The following KIF5A variants were observed in gnomAD, a reference collection of about 807,000 sequenced individuals.
KIF5A encodes kinesin family member 5A.
Under a neutral mutation model 141.3 loss-of-function variants are expected in KIF5A, and 35 were observed. The observed-to-expected ratio is 0.25, with a 90% confidence interval of 0.19 to 0.33. The LOEUF (loss-of-function observed/expected upper bound fraction) is 0.33. KIF5A is among the 10% of genes least tolerant of loss of function. The pLI is 1.00. For synonymous variants in KIF5A, 448 were observed against 500.2 expected (o/e 0.90, Z 1.39); for missense variants, 861 against 1,314.3 (o/e 0.66, Z 5.33).
At chr12:57,581,294 A>G in intron 24 of KIF5A, 121 bp from the exon 25 acceptor site, 1 of 1,527,234 alleles carries the variant, frequency 6.5e-7, no homozygotes, top group South Asian at 1.1e-5. Context: ...ACTTCCCCCC[A>G]AAAAGTAAAA....
At chr12:57,581,661 T>A (rs2140171945) in intron 25 of KIF5A, 93 bp downstream of exon 25, 1 of 1,467,824 alleles carries the variant, frequency 6.8e-7, no homozygotes, top group Non-Finnish European at 9.5e-7. Context: ...TGTGGCTTAA[T>A]TATTTTCCTA....
At chr12:57,579,349 A>C (rs1882524419) in intron 23 of KIF5A, among the ~76,000 whole-genome samples, 1 of 152,194 alleles carries the variant, frequency 6.6e-6, no homozygotes, top group African/African-American at 2.4e-5. Flanking sequence ...GGTCCTTTTA[A>C]CTAATTCATA....
At chr12:57,553,818 A>G (rs1565692082) in intron 1 of KIF5A, among the ~76,000 whole-genome samples, 1 of 152,118 alleles carries the variant, frequency 6.6e-6, no homozygotes, top group African/African-American at 2.4e-5. Context: ...GGACTGTGGG[A>G]CTCTGAAGAG....
intron 20 of KIF5A, among the ~76,000 whole-genome samples, 184 bp downstream of exon 20, chr12:57,577,046 A>C (rs1023846100): frequency 6.6e-6 from 1 of 152,218 alleles, no homozygotes; most frequent in Non-Finnish European, 1.5e-5. Flanking sequence ...AGTATTCACC[A>C]GTATGGAAGG....
intron 1 of KIF5A, among the ~76,000 whole-genome samples, chr12:57,561,734 A>G (rs1486870466): frequency 5.9e-5 from 9 of 152,232 alleles, no homozygotes. Context: ...CATGCAGGAT[A>G]CAAAATGAAA....
At chr12:57,552,799 A>T (rs566788245) in intron 1 of KIF5A, among the ~76,000 whole-genome samples, 1 of 152,174 alleles carries the variant, frequency 6.6e-6, no homozygotes, top group Admixed American at 6.5e-5. Flanking sequence ...TGAAGGTGGG[A>T]GAGATAATCT....
intron 12 of KIF5A, among the ~76,000 whole-genome samples, chr12:57,570,438 G>A (rs774728702): frequency 5.3e-5 from 8 of 152,034 alleles, no homozygotes; most frequent in South Asian, 2.1e-4. Context: ...TTGCTGTGTC[G>A]CCCAGGCTAG....
rs1439619880 is a variant in KIF5A at position 57,550,622 on chromosome 12, C to T, written c.129+222C>T. On this transcript the variant is annotated intron_variant, in intron 1 of 28. Transcript: ENST00000455537. This position sits in a 1 kb window ranked among gnomAD's most constrained non-coding sequence, Gnocchi z 4.6. ...TGCAGAGTGGCAGGGGGCTGCTTTC[C>T]TACCTTCGGGAGATCCAACTCCCCT... Among the ~76,000 whole-genome samples the T allele has an allele frequency of 6.6e-6, 1 of 152,212 alleles. No individual in the cohort carries two copies. Among genetic ancestry groups the T allele is most frequent in the African/African-American group, 2.4e-5 (1 of 41,470 alleles).
chr12:57,572,110 G>A lies in KIF5A; in HGVS notation c.1412G>A (p.Ser471Asn). Residue 471 changes from serine (S) to asparagine (N), a missense_variant, in exon 14 of 29, where the codon AGC (serine) becomes AAC (asparagine). Ser to Asn is a conservative substitution (Grantham distance 46). This residue lies in a region of KIF5A where 167 missense variants were observed against 192.0 expected (regional missense o/e 0.87). Coordinates refer to ENST00000455537, the MANE Select transcript of KIF5A (RefSeq NM_004984.4). This position sits in a 1 kb window ranked among gnomAD's most constrained non-coding sequence, Gnocchi z 4.2. ...AACGAGAAGGTCCAGCGGGAGCTGA[G>A]CCACCTGCAATCAGAGAACGATGCC... ...GDNEKVQREL[S>N]HLQSENDAAK... The A allele has an allele frequency of 1.2e-6, 2 of 1,614,110 alleles. No homozygotes were observed. Among genetic ancestry groups the A allele is most frequent in the African/African-American group, 1.3e-5 (1 of 75,044 alleles).
At position 57,569,518 on chromosome 12, in the gene KIF5A, C is replaced by T. The variant is rs1010157708; in HGVS notation, c.969-17C>T. The T allele has an allele frequency of 4.3e-6, 7 of 1,613,956 alleles. No individual in the cohort carries two copies. The highest frequency in any genetic ancestry group is 5.9e-6 in the Non-Finnish European group (7 of 1,180,022). ...TCATGTTGCTCTCATTTCTTTGTTCCTCTTCTCCTCACCCAGGGCAAAGAC... is the reference window on the plus strand; with the variant it reads ...TCATGTTGCTCTCATTTCTTTGTTCTTCTTCTCCTCACCCAGGGCAAAGAC... On this transcript the variant is annotated splice_polypyrimidine_tract_variant and intron_variant, in intron 10 of 28. Coordinates refer to ENST00000455537, the MANE Select transcript of KIF5A (RefSeq NM_004984.4).
Position 57,585,900 on chromosome 12 carries a change from C to T in KIF5A, c.*1719C>T, listed in dbSNP as rs1882744985. On this transcript the variant is annotated 3_prime_UTR_variant, in exon 29 of 29. Transcript: ENST00000455537. The stretch of plus-strand genomic sequence containing the variant: ...AATATAAAAAATAAAGTAATGCAGA[C>T]CTGGGCAGTTTGCATTTTTTTTTTT... 1 of 148,916 alleles carries T rather than the reference C, an allele frequency of 6.7e-6. No homozygotes were observed. Among genetic ancestry groups the T allele is most frequent in the African/African-American group, 2.5e-5 (1 of 40,536 alleles). 9.2% of individuals were successfully genotyped at this position (148,916 alleles called of 1,614,324 possible).
intron 8 of KIF5A, 25 bp from the exon 9 acceptor site, chr12:57,568,938 C>T (rs1882156082): frequency 2.6e-6 from 4 of 1,548,856 alleles, no homozygotes; most frequent in African/African-American, 1.4e-5. Flanking sequence ...TGCTCATACA[C>T]ACTCATCTCT....
Position 57,550,458 on chromosome 12 carries a change from C to T in KIF5A, c.129+58C>T. On this transcript the variant is annotated intron_variant, in intron 1 of 28. Transcript: ENST00000455537. This position sits in a 1 kb window ranked among gnomAD's most constrained non-coding sequence, Gnocchi z 4.6. ...GGGCAGGTGGCTGAATCTCCCCGCC[C>T]CCCGCAGAGCCTTAGTCTCTGCTGG... 2 of 1,579,788 alleles carry T rather than the reference C, an allele frequency of 1.3e-6. No individual in the cohort carries two copies. Among genetic ancestry groups the T allele is most frequent in the Non-Finnish European group, 1.7e-6 (2 of 1,151,152 alleles).
At chr12:57,577,685 TCCATTTC>T in intron 20 of KIF5A, 21 bp from the exon 21 acceptor site, 1 of 1,585,396 alleles carries the variant, frequency 6.3e-7, no homozygotes, top group Non-Finnish European at 8.7e-7. Flanking sequence ...GAGGGATCTT[TCCATTTC>T]CCTTATTTCT....
chr12:57,562,276 C>A (rs532197963), intron 1 of KIF5A, among the ~76,000 whole-genome samples: 1 of 152,130 alleles, frequency 6.6e-6, no homozygotes, highest in African/African-American at 2.4e-5. Context: ...AGTGCAGTGG[C>A]GCAATCTTGG....
In KIF5A at chr12:57,572,400, T is replaced by C; in HGVS notation, c.1569+133T>C. On this transcript the variant is annotated intron_variant, in intron 14 of 28. Coordinates refer to ENST00000455537, the MANE Select transcript of KIF5A (RefSeq NM_004984.4). This position sits in a 1 kb window ranked among gnomAD's most constrained non-coding sequence, Gnocchi z 4.2. ...TGCTGTTCAGTGCATTGTGAGTCCC[T>C]CCCCAACCCTGTCACTGCACTTTCC... The C allele has an allele frequency of 1.6e-6, 2 of 1,238,392 alleles. No individual in the cohort carries two copies. Among genetic ancestry groups the C allele is most frequent in the Non-Finnish European group, 2.3e-6 (2 of 865,416 alleles). 76.7% of individuals were successfully genotyped at this position (1,238,392 alleles called of 1,614,324 possible).
chr12:57,563,004 T>C (rs1881954451), intron 1 of KIF5A, among the ~76,000 whole-genome samples: 1 of 151,264 alleles, frequency 6.6e-6, no homozygotes, highest in African/African-American at 2.4e-5. Flanking sequence ...ATTTCTTTTC[T>C]TTTCTTCTTC....
chr12:57,574,300 T>A (rs1882353430), intron 15 of KIF5A, among the ~76,000 whole-genome samples: 2 of 146,896 alleles, frequency 1.4e-5, no homozygotes, highest in Non-Finnish European at 3.0e-5. Context: ...TGAGATGGAG[T>A]CTTGCTCTGT....
chr12:57,558,610 G>T (rs1288290559), intron 1 of KIF5A, among the ~76,000 whole-genome samples: 1 of 152,196 alleles, frequency 6.6e-6, no homozygotes, highest in Non-Finnish European at 1.5e-5. Context: ...GGAGGCAGAG[G>T]TTGCGGTGAG....
Sources: allele counts gnomAD v4.1 joint callset (sites outside exome capture counted in the v4.1 genomes callset), GRCh38; gene constraint gnomAD v4.1.1; regional missense constraint gnomAD v4.1.1; non-coding constraint Gnocchi (gnomAD v3.1); transcripts MANE v1.5; gene names NCBI Gene and HGNC (gene_info 2026-07-23, HGNC 2026-07-21).